The following NUP214 variants were observed in gnomAD, a reference collection of about 807,000 sequenced individuals.
The protein encoded by NUP214 is nuclear pore complex protein Nup214.
In NUP214, 79 loss-of-function variants were observed where a neutral mutation model predicts 196.2. The ratio of observed to expected loss-of-function variants is 0.40; its 90% CI spans 0.34 to 0.49. NUP214 has a LOEUF of 0.49. Ranked by LOEUF, NUP214 falls within the 20% of genes least tolerant of loss-of-function variation. NUP214 has a pLI of 0.58. For missense variants in NUP214, 2,468 were observed against 2,539.0 expected (o/e 0.97, Z 0.60); for synonymous variants, 1,020 against 990.5 (o/e 1.03, Z -0.56).
intron 18 of NUP214, among the ~76,000 whole-genome samples, chr9:131,162,133 T>C (rs983017197): frequency 2.6e-5 from 4 of 152,212 alleles, no homozygotes; most frequent in Non-Finnish European, 5.9e-5. Context: ...CAGCATGGTT[T>C]TGTACTGACT....
intron 12 of NUP214, 127 bp downstream of exon 12, chr9:131,144,881 C>T: frequency 2.9e-6 from 2 of 698,106 alleles, no homozygotes; most frequent in South Asian, 4.1e-5. Flanking sequence ...GTGATACTTG[C>T]AAATGGCAAA....
chr9:131,150,886 C>A, intron 16 of NUP214, 121 bp downstream of exon 16: 1 of 931,804 alleles, frequency 1.1e-6, no homozygotes, highest in Non-Finnish European at 1.6e-6. Context: ...GTTTTTTTAA[C>A]GTGGCTGAGT....
In NUP214 at chr9:131,198,846, C is replaced by T. The variant is rs1445284685; in HGVS notation, c.5352C>T (p.Phe1784=). 1 of 1,614,050 alleles carries T rather than the reference C, an allele frequency of 6.2e-7. No individual in the cohort carries two copies. The highest frequency in any genetic ancestry group is 1.3e-5 in the African/African-American group (1 of 74,892). ...CAAGTACCAGTAGCTCCAGTTCCTT[C>T]TCATTTGGACAGTCTTCTCCCAACA... ...AASSTSSSSS[F]SFGQSSPNTG... is the part of the protein sequence containing the mutation. Residue 1784 remains phenylalanine, a synonymous_variant, in exon 29 of 36, where the codon TTC becomes TTT. Coordinates refer to ENST00000359428, the MANE Select transcript of NUP214 (RefSeq NM_005085.4).
At chr9:131,195,959 GGT>G (rs376353468) in intron 28 of NUP214, among the ~76,000 whole-genome samples, 3,472 of 136,368 alleles carry the variant, frequency 0.025, 108 homozygotes, top group African/African-American at 0.08. Flanking sequence ...TGGGAGGCAA[GGT>G]TGCAGTGAGC....
chr9:131,186,387 G>A (rs1181063618), intron 24 of NUP214, among the ~76,000 whole-genome samples: 1 of 152,172 alleles, frequency 6.6e-6, no homozygotes, highest in Non-Finnish European at 1.5e-5. Context: ...TGTAAGGTTT[G>A]TTAAGCTGTT....
chr9:131,194,561 T>G (rs1833721752), intron 27 of NUP214, among the ~76,000 whole-genome samples: 1 of 152,176 alleles, frequency 6.6e-6, no homozygotes, highest in African/African-American at 2.4e-5. Flanking sequence ...TAATCTGTTC[T>G]GATTCACACT....
intron 32 of NUP214, among the ~76,000 whole-genome samples, chr9:131,227,889 G>A (rs1588181465): frequency 1.3e-5 from 2 of 151,322 alleles, no homozygotes; most frequent in East Asian, 3.9e-4. Flanking sequence ...GCTCTCCTGA[G>A]TGGACCCCAG....
At chr9:131,183,885 G>A (rs1469974295) in intron 24 of NUP214, among the ~76,000 whole-genome samples, 1 of 151,856 alleles carries the variant, frequency 6.6e-6, no homozygotes, top group Non-Finnish European at 1.5e-5. Context: ...TTTCTTGTTA[G>A]AGAAAAATTT....
intron 32 of NUP214, 107 bp from the exon 33 acceptor site, chr9:131,228,053 C>CT (rs1834772390): frequency 6.9e-6 from 8 of 1,154,200 alleles, no homozygotes; most frequent in South Asian, 5.7e-5. Flanking sequence ...CCTCTTTTCC[C>CT]TTTTTTCTTC....
At position 131,130,850 on chromosome 9, in the gene NUP214, T is replaced by G. The variant is rs754036961; in HGVS notation, c.663+14T>G. 4 of 1,610,460 alleles carry G rather than the reference T, an allele frequency of 2.5e-6. No homozygotes were observed. The East Asian group carries it at 8.9e-5, about 36-fold the overall frequency. On this transcript the variant is annotated intron_variant, in intron 5 of 35. Coordinates refer to ENST00000359428, the MANE Select transcript of NUP214 (RefSeq NM_005085.4). Reference sequence around the variant, plus strand: ...CAGTATCTTCCTGTAAGTTCTTATCTTGAACTTCAGAATTTTTCTTAAGTT... The same window carrying G: ...CAGTATCTTCCTGTAAGTTCTTATCGTGAACTTCAGAATTTTTCTTAAGTT...
At chr9:131,219,319 G>T (rs372267063) in intron 31 of NUP214, among the ~76,000 whole-genome samples, 1 of 152,156 alleles carries the variant, frequency 6.6e-6, no homozygotes, top group African/African-American at 2.4e-5. Flanking sequence ...TTTACAGAAC[G>T]TCTCCCAGGT....
At position 131,157,933 on chromosome 9, in the gene NUP214, A is replaced by C. The variant is rs189399793; in HGVS notation, c.2437-1450A>C. Among the ~76,000 whole-genome samples the C allele has an allele frequency of 4.3e-3, 651 of 152,248 alleles. 5 individuals carry two copies. The highest frequency in any genetic ancestry group is 0.015 in the African/African-American group (624 of 41,540). ...AGTACTGGGATTACAGGCATGAGCC[A>C]CTGCACCCAGCTCTAATTTTTGTAT... On this transcript the variant is annotated intron_variant, in intron 17 of 35. Coordinates refer to ENST00000359428, the MANE Select transcript of NUP214 (RefSeq NM_005085.4).
intron 5 of NUP214, among the ~76,000 whole-genome samples, chr9:131,132,140 A>ACC (rs1831570904): frequency 1.7e-5 from 1 of 59,040 alleles, no homozygotes; most frequent in African/African-American, 6.4e-5. Context: ...TTTTTTGGAG[A>ACC]CCAAGTTTTG....
intron 21 of NUP214, among the ~76,000 whole-genome samples, chr9:131,169,775 T>G (rs2133573473): frequency 6.6e-6 from 1 of 152,326 alleles, no homozygotes; most frequent in South Asian, 2.1e-4. Flanking sequence ...ACAGACCATG[T>G]GATGAGAGGG....
chr9:131,176,323 CTT>C (rs765750532), intron 23 of NUP214, among the ~76,000 whole-genome samples: 1 of 145,222 alleles, frequency 6.9e-6, no homozygotes. Flanking sequence ...TTGCATGAAG[CTT>C]TTTTTTTTTT....
chr9:131,132,724 A>C (rs113971407), intron 6 of NUP214, 65 bp downstream of exon 6: 3 of 1,372,856 alleles, frequency 2.2e-6, no homozygotes, highest in Non-Finnish European at 3.1e-6. Flanking sequence ...CAGAAATTCA[A>C]AATCATGTAA....
At chr9:131,159,009 A>G (rs960620977) in intron 17 of NUP214, 53 of 166,144 alleles carry the variant, frequency 3.2e-4, no homozygotes, top group African/African-American at 1.2e-3. Context: ...AGCCTCCCAA[A>G]GTGAGGAGCC....
At chr9:131,132,719 A>T in intron 6 of NUP214, 60 bp downstream of exon 6, 1 of 1,407,224 alleles carries the variant, frequency 7.1e-7, no homozygotes, top group Non-Finnish European at 1.0e-6. Flanking sequence ...TATTACAGAA[A>T]TTCAAAATCA....
chr9:131,187,276 G>C lies in NUP214; in HGVS notation c.3420-13G>C, dbSNP rs376574538. 199 of 1,611,306 alleles carry C rather than the reference G, an allele frequency of 1.2e-4. No homozygotes were observed. In the African/African-American group the frequency reaches 2.4e-3, roughly 19 times the overall value. The stretch of plus-strand genomic sequence containing the variant: ...ATGCCTTTCTCTGAGTGTATGCTTT[G>C]TGTGTTTTTCAGTTCTTCAGTGCCC... On this transcript the variant is annotated splice_polypyrimidine_tract_variant and intron_variant, in intron 24 of 35. Coordinates refer to ENST00000359428, the MANE Select transcript of NUP214 (RefSeq NM_005085.4).
Sources: gnomAD v4.1 joint callset for allele counts (sites outside exome capture counted in the v4.1 genomes callset) on GRCh38, gnomAD v4.1.1 for gene constraint, MANE v1.5 for transcripts, NCBI Gene and HGNC (gene_info 2026-07-23, HGNC 2026-07-21) for gene names.